The following LRMDA variants were observed in gnomAD, a reference collection of about 807,000 sequenced individuals.
LRMDA encodes leucine rich melanocyte differentiation associated.
A neutral mutation model predicts 29.8 loss-of-function variants in LRMDA; 18 were observed. The ratio of observed to expected loss-of-function variants is 0.60; its 90% CI spans 0.42 to 0.90. LRMDA has a LOEUF of 0.90. Ranked by LOEUF, LRMDA falls within the 40% of genes least tolerant of loss-of-function variation. LRMDA has a pLI of 0.00. For missense variants in LRMDA, 273 were observed against 273.9 expected, an observed-to-expected ratio of 1.00 and a Z score of 0.02; for synonymous variants, 125 against 109.4, an observed-to-expected ratio of 1.14 and a Z score of -0.89.
At chr10:75,893,925 C>T (rs1278428797) in intron 2 of LRMDA, among the ~76,000 whole-genome samples, 14 of 121,538 alleles carry the variant, frequency 1.2e-4, no homozygotes, top group East Asian at 2.3e-4. Context: ...AGACTGACTC[C>T]GTCTCACAAA....
chr10:75,661,403 T>C (rs1199270053), intron 2 of LRMDA, among the ~76,000 whole-genome samples: 1 of 152,212 alleles, frequency 6.6e-6, no homozygotes, highest in African/African-American at 2.4e-5. Flanking sequence ...GTGGGGATCC[T>C]GCTAAAATGT....
intron 6 of LRMDA, among the ~76,000 whole-genome samples, chr10:76,334,333 T>A (rs988076063): frequency 6.6e-6 from 1 of 152,130 alleles, no homozygotes. Context: ...CTGCCCCAGG[T>A]TTTTCCTCAT....
intron 2 of LRMDA, among the ~76,000 whole-genome samples, chr10:75,779,531 C>T (rs1465738738): frequency 2.0e-5 from 3 of 152,178 alleles, no homozygotes; most frequent in Non-Finnish European, 4.4e-5. Flanking sequence ...GCCCTGGGCC[C>T]ATAAACAGTA....
intron 2 of LRMDA, among the ~76,000 whole-genome samples, chr10:75,634,282 C>T (rs1228733805): frequency 6.6e-6 from 1 of 152,142 alleles, no homozygotes; most frequent in Non-Finnish European, 1.5e-5. Flanking sequence ...GAAGATCTTG[C>T]CTAGAGTTTA....
At chr10:76,298,255 C>T (rs1296100786) in intron 5 of LRMDA, among the ~76,000 whole-genome samples, 2 of 152,174 alleles carry the variant, frequency 1.3e-5, no homozygotes, top group Non-Finnish European at 2.9e-5. Context: ...CTGCCTCCCA[C>T]CCCCAACCAG....
At chr10:76,061,051 A>G (rs1489728591) in intron 5 of LRMDA, among the ~76,000 whole-genome samples, 2 of 152,226 alleles carry the variant, frequency 1.3e-5, no homozygotes, top group Non-Finnish European at 2.9e-5. Context: ...AAATCATTCT[A>G]TCATAAAGAC....
intron 6 of LRMDA, among the ~76,000 whole-genome samples, chr10:76,412,676 G>T (rs1222251616): frequency 1.3e-5 from 2 of 152,146 alleles, no homozygotes; most frequent in African/African-American, 4.8e-5. Context: ...TGCATTCTTA[G>T]TCTCTAAGAT....
chr10:75,766,818 G>A (rs1415429589), intron 2 of LRMDA, among the ~76,000 whole-genome samples: 2 of 151,656 alleles, frequency 1.3e-5, no homozygotes, highest in Admixed American at 6.6e-5. Context: ...GACGGGCCCC[G>A]GTGTGTGATG....
intron 2 of LRMDA, among the ~76,000 whole-genome samples, chr10:75,633,484 A>C (rs1395351014): frequency 1.3e-5 from 2 of 152,206 alleles, no homozygotes; most frequent in Non-Finnish European, 2.9e-5. Flanking sequence ...TACATAATTA[A>C]CAATTTTGTA....
chr10:75,684,107 T>A (rs1223191928), intron 2 of LRMDA, among the ~76,000 whole-genome samples: 1 of 152,214 alleles, frequency 6.6e-6, no homozygotes, highest in African/African-American at 2.4e-5. Context: ...TGAAGTATTT[T>A]GTTGGGTAAA....
chr10:75,993,975 G>T (rs10824349), intron 2 of LRMDA, among the ~76,000 whole-genome samples: 41,368 of 151,884 alleles, frequency 0.27, 5,873 homozygotes, highest in South Asian at 0.42. Context: ...ATCTTTGCAG[G>T]CCCCTTTTAT....
At chr10:75,784,620 A>T (rs573337974) in intron 2 of LRMDA, among the ~76,000 whole-genome samples, 96 of 151,790 alleles carry the variant, frequency 6.3e-4, no homozygotes, top group Non-Finnish European at 1.2e-3. Context: ...AATGGCGTGA[A>T]CCCGGGAGGC....
chr10:76,265,124 C>G (rs774845225), intron 5 of LRMDA, among the ~76,000 whole-genome samples: 15 of 152,166 alleles, frequency 9.9e-5, no homozygotes, highest in Non-Finnish European at 1.9e-4. Context: ...CAGGGGCACT[C>G]TCTGTGACTG....
At chr10:76,338,947 C>T (rs988592519) in intron 6 of LRMDA, among the ~76,000 whole-genome samples, 1 of 151,846 alleles carries the variant, frequency 6.6e-6, no homozygotes, top group East Asian at 1.9e-4. Context: ...CTTAATGTAC[C>T]CAATGACATG....
intron 6 of LRMDA, among the ~76,000 whole-genome samples, chr10:76,427,603 C>G (rs1401855590): frequency 1.3e-5 from 2 of 152,172 alleles, no homozygotes; most frequent in East Asian, 3.9e-4. Flanking sequence ...ATTTCCTTCT[C>G]CTGCCTGATT....
At chr10:76,374,571 C>A (rs950922690) in intron 6 of LRMDA, among the ~76,000 whole-genome samples, 6 of 152,202 alleles carry the variant, frequency 3.9e-5, no homozygotes, top group Non-Finnish European at 5.9e-5. Context: ...CCCAAGAAGA[C>A]ACCAACGCTC....
chr10:76,127,619 G>T (rs11001622), intron 5 of LRMDA, among the ~76,000 whole-genome samples: 1 of 150,890 alleles, frequency 6.6e-6, no homozygotes, highest in Non-Finnish European at 1.5e-5. Flanking sequence ...GCAAGACTCA[G>T]TGTGTTTTAG....
chr10:76,478,289 G>A (rs1842699024), intron 6 of LRMDA, among the ~76,000 whole-genome samples: 1 of 152,056 alleles, frequency 6.6e-6, no homozygotes, highest in South Asian at 2.1e-4. Context: ...CAACAGACAC[G>A]TGAAAAAATG....
intron 6 of LRMDA, among the ~76,000 whole-genome samples, chr10:76,484,911 G>A (rs1049504844): frequency 2.0e-5 from 3 of 151,576 alleles, no homozygotes; most frequent in African/African-American, 4.8e-5. Flanking sequence ...CTTTATCTCC[G>A]ATAATTTTCC....
Sources: gnomAD v4.1 joint callset for allele counts (sites outside exome capture counted in the v4.1 genomes callset) on GRCh38, gnomAD v4.1.1 for gene constraint, MANE v1.5 for transcripts, NCBI Gene and HGNC (gene_info 2026-07-23, HGNC 2026-07-21) for gene names.